MIER3: variants seen among roughly 807,000 people sequenced by gnomAD.
The protein encoded by MIER3 is mesoderm induction early response protein 3.
Under a neutral mutation model 63.2 loss-of-function variants are expected in MIER3, and 9 were observed. That is an observed-to-expected ratio of 0.14 (90% CI 0.09 to 0.25). The LOEUF (loss-of-function observed/expected upper bound fraction) is 0.25, where lower values mean the gene tolerates loss of function less well. Among genes scored for constraint, MIER3 ranks in the 10% least tolerant of loss-of-function variants. The pLI is 1.00. For missense variants in MIER3, 512 were observed against 666.2 expected (o/e 0.77, Z 2.55); for synonymous variants, 205 against 224.9 (o/e 0.91, Z 0.79).
chr5:56,927,798 A>G (rs770417553), intron 10 of MIER3: 2 of 152,194 alleles, frequency 1.3e-5, no homozygotes, highest in Non-Finnish European at 2.9e-5. Flanking sequence ...GTGTAATTAC[A>G]TGTCTCTATC....
chr5:56,952,004 C>T, intron 1 of MIER3, 90 bp downstream of exon 1: 2 of 1,109,772 alleles, frequency 1.8e-6, no homozygotes, highest in African/African-American at 1.7e-5. Flanking sequence ...GCGGAAAGAG[C>T]CCCGGATCCC....
intron 1 of MIER3, among the ~76,000 whole-genome samples, 174 bp downstream of exon 1, chr5:56,951,920 C>A (rs538546036): frequency 6.7e-6 from 1 of 150,150 alleles, no homozygotes; most frequent in African/African-American, 2.4e-5. Context: ...CCCGCTCCCG[C>A]CCCCCGGCCA....
In MIER3 at chr5:56,928,991, T is replaced by TCA. The variant is rs3989923; in HGVS notation, c.830-132_830-131dup. The stretch of plus-strand genomic sequence containing the variant: ...CTCTCACACACACACACTCTCTCTC[T>TCA]CACACACACACACACTCTCTCTCTC... On this transcript the variant is annotated intron_variant, in intron 9 of 12. Transcript: ENST00000381199. 1.7e-3 allele frequency: 794 copies of TCA among 457,588 alleles called. 7 individuals are homozygous for TCA. Among genetic ancestry groups the TCA allele is most frequent in the East Asian group, 4.4e-3 (136 of 30,956 alleles). 28.3% of individuals were successfully genotyped at this position (457,588 alleles called of 1,614,324 possible). A position where few individuals can be genotyped will look rare whatever the true frequency, so the allele number is the denominator to read the frequency against.
intron 3 of MIER3, among the ~76,000 whole-genome samples, chr5:56,942,020 A>G (rs1415088806): frequency 2.6e-5 from 4 of 152,206 alleles, no homozygotes; most frequent in Non-Finnish European, 5.9e-5. Flanking sequence ...TTTTTGAAGA[A>G]AAAAACAACA....
chr5:56,930,858 T>G, intron 8 of MIER3, 113 bp from the exon 9 acceptor site: 1 of 836,656 alleles, frequency 1.2e-6, no homozygotes, highest in South Asian at 1.5e-5. Context: ...TGAAATCCTC[T>G]CTAATTTCAG....
rs553585071 is a variant in MIER3, at chr5:56,937,283, G to C, written c.436+295C>G. On this transcript the variant is annotated intron_variant, in intron 5 of 12. Coordinates refer to ENST00000381199, the MANE Select transcript of MIER3 (RefSeq NM_001297599.2). ...GTAAAGAACAGGTTTCACCATGTTG[G>C]CTAGGCTGGTCTCAAACTCCTGGCC... Among the ~76,000 whole-genome samples the C allele has an allele frequency of 1.2e-4, 18 of 152,006 alleles. No individual in the cohort carries two copies. The East Asian group carries it at 3.5e-3, about 30-fold the overall frequency.
intron 2 of MIER3, among the ~76,000 whole-genome samples, chr5:56,950,339 T>A (rs1004668051): frequency 2.0e-5 from 3 of 152,232 alleles, no homozygotes. Flanking sequence ...TGGGATTAAC[T>A]GTTTCAGGCT....
chr5:56,947,048 G>C lies in MIER3; in HGVS notation c.58C>G (p.His20Asp). 6.2e-7 allele frequency: 1 copy of C among 1,609,046 alleles called. No individual in the cohort carries two copies. The highest frequency in any genetic ancestry group is 8.5e-7 in the Non-Finnish European group (1 of 1,178,450). The change falls in exon 3 of 13, where the codon CAT becomes GAT. Residue 20 changes from histidine (H) to aspartate (D), a missense_variant. By Grantham distance (81) the His-to-Asp change is moderately conservative. Around this residue, in one of 5 missense-constraint regions of MIER3, gnomAD observed 98 missense variants for 107.4 expected, o/e 0.91. Transcript: ENST00000381199. The part of the protein sequence containing the change: ...SPVGSLSSED[H>D]DFDPTAEMLV... ...ATCTCAGCAGTGGGGTCAAAATCAT[G>C]ATCCTCAGAAGACAAAGACCCAACT...
At chr5:56,952,062 C>T (rs1461738703) in intron 1 of MIER3, 32 bp downstream of exon 1, 67 of 1,287,258 alleles carry the variant, frequency 5.2e-5, no homozygotes, top group Non-Finnish European at 5.9e-5. Flanking sequence ...CCCGCTCCAG[C>T]CCGGCTGCTC....
intron 3 of MIER3, among the ~76,000 whole-genome samples, chr5:56,942,551 A>G (rs1304864417): frequency 2.0e-5 from 3 of 152,192 alleles, no homozygotes; most frequent in Non-Finnish European, 4.4e-5. Context: ...GATGGTAACG[A>G]TGAGTTTAAG....
At chr5:56,943,761 A>C (rs911774291) in intron 3 of MIER3, among the ~76,000 whole-genome samples, 1 of 152,208 alleles carries the variant, frequency 6.6e-6, no homozygotes, top group Non-Finnish European at 1.5e-5. Flanking sequence ...ATTTTTTCAA[A>C]ATTGAATTAG....
chr5:56,934,378 G>C (rs1244529663), intron 7 of MIER3, among the ~76,000 whole-genome samples: 1 of 152,160 alleles, frequency 6.6e-6, no homozygotes, highest in African/African-American at 2.4e-5. Flanking sequence ...AAGTGAAATA[G>C]GTAAAACAAT....
At chr5:56,929,006 C>CA in intron 9 of MIER3, 145 bp from the exon 10 acceptor site, 2 of 438,558 alleles carry the variant, frequency 4.6e-6, no homozygotes, top group East Asian at 5.0e-5. Context: ...CACACACACA[C>CA]TCTCTCTCTC....
At chr5:56,938,388 C>T (rs1002753405) in intron 4 of MIER3, 3 of 470,382 alleles carry the variant, frequency 6.4e-6, no homozygotes, top group Non-Finnish European at 4.4e-6. Flanking sequence ...AGGCCATGGC[C>T]GTGTGAATTT....
At chr5:56,942,718 G>A (rs1750688787) in intron 3 of MIER3, among the ~76,000 whole-genome samples, 1 of 152,238 alleles carries the variant, frequency 6.6e-6, no homozygotes, top group Non-Finnish European at 1.5e-5. Context: ...AAAATAGAAC[G>A]AGGAAAAAGT....
intron 9 of MIER3, among the ~76,000 whole-genome samples, chr5:56,929,961 C>T (rs1750199858): frequency 6.6e-6 from 1 of 151,946 alleles, no homozygotes; most frequent in African/African-American, 2.4e-5. Flanking sequence ...TTTTGAGAGC[C>T]TAAAATAATT....
In MIER3 at chr5:56,933,271, T is replaced by C. The variant is rs1275745579; in HGVS notation, c.723A>G (p.Gly241=). 2.5e-6 allele frequency: 4 copies of C among 1,612,218 alleles called. No individual in the cohort carries two copies. The South Asian group carries it at 4.4e-5, about 18-fold the overall frequency. Residue 241 remains glycine, a synonymous_variant, in exon 8 of 13, where the codon GGA becomes GGG. Coordinates refer to ENST00000381199, the MANE Select transcript of MIER3 (RefSeq NM_001297599.2). ...SEKIMDRISA[G]THTRDNEQAL... is the part of the protein sequence containing the mutation. ...CCTGTTCATTGTCCCTTGTGTGTGT[T>C]CCTGCAGAAATCCTATCCATTATTT...
Position 56,923,984 on chromosome 5 carries a change from T to C in MIER3, c.983A>G (p.Glu328Gly), listed in dbSNP as rs756916801. The stretch of plus-strand genomic sequence containing the variant: ...CTGTTGAGCAAAGTAATCATAACGT[T>C]CAGATTTCTTCCACATATAGTAGAA... ...VAFYYMWKKSERYDYFAQQTR... is the reference protein window; with the variant it reads ...VAFYYMWKKSGRYDYFAQQTR... Residue 328 changes from glutamate (E) to glycine (G), a missense_variant, in exon 11 of 13, where the codon GAA becomes GGA. Transcript: ENST00000381199. 24 of 1,613,956 alleles carry C rather than the reference T, an allele frequency of 1.5e-5. No individual in the cohort carries two copies. Among genetic ancestry groups the C allele is most frequent in the Non-Finnish European group, 8.5e-7 (1 of 1,179,984 alleles).
chr5:56,952,018 G>C, intron 1 of MIER3, 76 bp downstream of exon 1: 1 of 1,203,038 alleles, frequency 8.3e-7, no homozygotes, highest in South Asian at 2.1e-5. Flanking sequence ...GGATCCCCCA[G>C]GCTGGCTCGG....
Sources: gnomAD v4.1 joint callset for allele counts (sites outside exome capture counted in the v4.1 genomes callset) on GRCh38, gnomAD v4.1.1 for gene constraint, gnomAD v4.1.1 regional missense constraint, MANE v1.5 for transcripts, NCBI Gene and HGNC (gene_info 2026-07-23, HGNC 2026-07-21) for gene names.